Variants in JAK1 observed in about 807,000 individuals in gnomAD.
JAK1 encodes tyrosine-protein kinase JAK1.
JAK1 carries 16 observed loss-of-function variants against 136.6 expected under a neutral mutation model. The observed-to-expected ratio is 0.12, with a 90% confidence interval of 0.08 to 0.18. The LOEUF is 0.18. JAK1 is among the 10% of genes least tolerant of loss of function. JAK1 has a pLI of 1.00. For missense variants in JAK1, 859 were observed against 1,450.1 expected (o/e 0.59, Z 6.62); for synonymous variants, 492 against 519.5 (o/e 0.95, Z 0.72).
At chr1:64,886,084 T>C (rs960438289) in intron 2 of JAK1, among the ~76,000 whole-genome samples, 175 bp downstream of exon 2, 3 of 152,210 alleles carry the variant, frequency 2.0e-5, no homozygotes, top group African/African-American at 7.2e-5. Context: ...TCCTATACTT[T>C]TGTATTTGAG....
At chr1:65,027,231 A>AT (rs112481251) in intron 2 of JAK1, among the ~76,000 whole-genome samples, 7 of 148,162 alleles carry the variant, frequency 4.7e-5, no homozygotes, top group East Asian at 2.0e-4. Flanking sequence ...CACCTGGCTA[A>AT]TTTTTTTTTT....
chr1:65,060,239 G>A (rs1212248240), intron 1 of JAK1, among the ~76,000 whole-genome samples: 1 of 152,096 alleles, frequency 6.6e-6, no homozygotes, highest in Non-Finnish European at 1.5e-5. Flanking sequence ...AAGATACTGT[G>A]ATTATTTTAG....
intron 1 of JAK1, among the ~76,000 whole-genome samples, chr1:64,936,074 C>T (rs1408759164): frequency 1.3e-5 from 2 of 152,132 alleles, no homozygotes; most frequent in East Asian, 1.9e-4. Context: ...ATATGGGATC[C>T]GGCAGGAAGA....
chr1:64,893,342 G>A (rs550480577), intron 1 of JAK1, among the ~76,000 whole-genome samples: 6 of 152,258 alleles, frequency 3.9e-5, no homozygotes, highest in African/African-American at 1.2e-4. Context: ...AGATCCACTA[G>A]GACCTGCCTG....
intron 1 of JAK1, among the ~76,000 whole-genome samples, chr1:64,892,328 T>A (rs1190271446): frequency 2.0e-5 from 3 of 152,150 alleles, no homozygotes; most frequent in Non-Finnish European, 4.4e-5. Flanking sequence ...TCACCCACGC[T>A]GGAATATAGT....
chr1:64,922,908 T>A (rs1645520075), intron 1 of JAK1, among the ~76,000 whole-genome samples: 1 of 152,194 alleles, frequency 6.6e-6, no homozygotes, highest in Non-Finnish European at 1.5e-5. Context: ...CATTTCTGCA[T>A]CTCTAGTATC....
At chr1:64,988,174 C>G (rs41285420) in intron 2 of JAK1, among the ~76,000 whole-genome samples, 1 of 152,126 alleles carries the variant, frequency 6.6e-6, no homozygotes, top group Non-Finnish European at 1.5e-5. Flanking sequence ...CTGGCAAACA[C>G]TAAAAATCAG....
In JAK1 at chr1:64,834,565, T is replaced by C. The variant is rs769371012; in HGVS notation, c.3462A>G (p.Lys1154=). Residue 1154 remains lysine, a synonymous_variant, in exon 25 of 25, where the codon AAA becomes AAG. Transcript: ENST00000342505. ...ATTTAAATGTTATTCATGCTTCTTA[T>C]TTTAAAAGTGCTTCAAATCCTTCAA... ...NLIEGFEALL[K] The C allele has an allele frequency of 1.3e-6, 2 of 1,592,112 alleles. No homozygotes were observed. Among genetic ancestry groups the C allele is most frequent in the South Asian group, 2.2e-5 (2 of 90,202 alleles).
chr1:64,936,213 T>A (rs1281855953), intron 1 of JAK1, among the ~76,000 whole-genome samples: 1 of 152,148 alleles, frequency 6.6e-6, no homozygotes, highest in African/African-American at 2.4e-5. Flanking sequence ...GATTTCAAGG[T>A]TGGAATGGAC....
At position 64,845,893 on chromosome 1, in the gene JAK1, C is replaced by T. The variant is rs566436744; in HGVS notation, c.1988-253G>A. Among the ~76,000 whole-genome samples the T allele has an allele frequency of 5.1e-4, 78 of 152,288 alleles. 1 individual carries two copies. The highest frequency in any genetic ancestry group is 2.0e-4 in the Admixed American group (3 of 15,298). The stretch of plus-strand genomic sequence containing the variant: ...TTCCCTCATCTGTAATAACAGATGG[C>T]GGCTAAATGTCACAAGGCCTGGAAA... On this transcript the variant is annotated intron_variant, in intron 14 of 24. Transcript: ENST00000342505.
intron 1 of JAK1, among the ~76,000 whole-genome samples, chr1:64,907,482 C>T (rs1645209455): frequency 6.6e-6 from 1 of 152,048 alleles, no homozygotes; most frequent in Admixed American, 6.6e-5. Context: ...ATAAGACATA[C>T]AAATAAGATA....
chr1:64,891,563 A>C (rs747090198), intron 1 of JAK1, among the ~76,000 whole-genome samples: 1 of 152,182 alleles, frequency 6.6e-6, no homozygotes, highest in Non-Finnish European at 1.5e-5. Flanking sequence ...TGTGAACAGG[A>C]AGCCTCCTAA....
At chr1:64,976,504 T>C (rs556700898) in intron 2 of JAK1, among the ~76,000 whole-genome samples, 2 of 152,302 alleles carry the variant, frequency 1.3e-5, no homozygotes, top group Admixed American at 6.5e-5. Flanking sequence ...ACACTTCCAA[T>C]TGGTCTCCAT....
At chr1:64,943,727 T>C (rs1390715458) in intron 1 of JAK1, among the ~76,000 whole-genome samples, 1 of 151,956 alleles carries the variant, frequency 6.6e-6, no homozygotes, top group Non-Finnish European at 1.5e-5. Flanking sequence ...CATGAAAATA[T>C]AAAACTTCTA....
chr1:64,918,998 T>G (rs1202934022), intron 1 of JAK1, among the ~76,000 whole-genome samples: 1 of 152,168 alleles, frequency 6.6e-6, no homozygotes, highest in Non-Finnish European at 1.5e-5. Context: ...GGATATTAAT[T>G]TCACCTGGCT....
chr1:64,836,012 A>C, intron 23 of JAK1, 86 bp downstream of exon 23: 1 of 755,710 alleles, frequency 1.3e-6, no homozygotes, highest in Non-Finnish European at 2.3e-6. Context: ...ATTGGATTCC[A>C]TTTAAAAACA....
chr1:65,037,757 G>A (rs758632164), intron 2 of JAK1, among the ~76,000 whole-genome samples: 6 of 152,038 alleles, frequency 3.9e-5, no homozygotes, highest in African/African-American at 9.7e-5. Flanking sequence ...TTAGCTACTC[G>A]GGAGGCTGAG....
chr1:64,924,410 C>G (rs968339493), intron 1 of JAK1, among the ~76,000 whole-genome samples: 1 of 152,182 alleles, frequency 6.6e-6, no homozygotes, highest in African/African-American at 2.4e-5. Context: ...CTTCTATCCA[C>G]AGGACTATTG....
chr1:64,973,830 G>A (rs141587586), intron 2 of JAK1: 1 of 151,982 alleles, frequency 6.6e-6, no homozygotes. Flanking sequence ...ACAGTAGGCT[G>A]TCTAAAATAC....
Sources: gnomAD v4.1 joint callset for allele counts (sites outside exome capture counted in the v4.1 genomes callset) on GRCh38, gnomAD v4.1.1 for gene constraint, MANE v1.5 for transcripts, NCBI Gene and HGNC (gene_info 2026-07-23, HGNC 2026-07-21) for gene names.